The following FRYL variants were observed in gnomAD, a reference collection of about 807,000 sequenced individuals.
FRYL encodes the protein protein furry homolog-like.
In FRYL, 150 loss-of-function variants were observed where a neutral mutation model predicts 351.2. That is an observed-to-expected ratio of 0.43 (90% CI 0.37 to 0.49). FRYL has a LOEUF of 0.49. Ranked by LOEUF, FRYL falls within the 20% of genes least tolerant of loss-of-function variation. The pLI, the probability that FRYL is intolerant of heterozygous loss-of-function variation, is 0.00. For missense variants in FRYL, 3,036 were observed against 3,619.3 expected (o/e 0.84, Z 4.13); for synonymous variants, 1,153 against 1,257.1 (o/e 0.92, Z 1.75).
At chr4:48,630,559 T>C (rs1253308218) in intron 4 of FRYL, among the ~76,000 whole-genome samples, 1 of 152,150 alleles carries the variant, frequency 6.6e-6, no homozygotes, top group Non-Finnish European at 1.5e-5. Flanking sequence ...TACCGAGGAT[T>C]GATCCATCTC....
chr4:48,617,488 A>G (rs1749746743), intron 7 of FRYL: 1 of 152,080 alleles, frequency 6.6e-6, no homozygotes, highest in South Asian at 2.1e-4. Context: ...AGCTATGCCT[A>G]CAGGCACATA....
chr4:48,540,252 CTATT>C, intron 46 of FRYL, 97 bp downstream of exon 46: 1 of 1,364,912 alleles, frequency 7.3e-7, no homozygotes, highest in Admixed American at 2.7e-5. Context: ...AAAACTATGA[CTATT>C]TGCAAAAAGC....
intron 4 of FRYL, among the ~76,000 whole-genome samples, chr4:48,632,098 A>ATATATATATATATATATGTATG (rs1553957563): frequency 3.3e-4 from 7 of 21,504 alleles, no homozygotes; most frequent in Non-Finnish European, 5.4e-4. Context: ...AAAAATATAT[A>ATATATATATATATATATGTATG]TATATATATA....
chr4:48,752,835 C>T (rs1209943898), intron 1 of FRYL, among the ~76,000 whole-genome samples: 1 of 152,182 alleles, frequency 6.6e-6, no homozygotes, highest in Non-Finnish European at 1.5e-5. Context: ...CAGCCCCCAC[C>T]TTCTATTCCC....
Position 48,550,661 on chromosome 4 carries a change from T to C in FRYL, c.4564A>G (p.Asn1522Asp). The C allele has an allele frequency of 1.2e-6, 2 of 1,614,072 alleles. No homozygotes were observed. Among genetic ancestry groups the C allele is most frequent in the Non-Finnish European group, 1.7e-6 (2 of 1,179,938 alleles). The change falls in exon 38 of 64, where the codon AAT (asparagine) becomes GAT (aspartate). Residue 1522 changes from asparagine (N) to aspartate (D), a missense_variant. Physicochemically the swap from Asn to Asp is conservative, Grantham distance 23. This residue lies in a region of FRYL where 1,987 missense variants were observed against 2,311.7 expected (regional missense o/e 0.86). Transcript: ENST00000358350. Reference protein sequence around the residue: ...DIYSGLNSHLNRQHHRLESRY... With the variant: ...DIYSGLNSHLDRQHHRLESRY... Reference sequence around the variant, plus strand: ...GATTCTAGTCTGTGATGTTGCCGATTCAAATGACTGTTTAGTCCACTGTAA... The same window carrying C: ...GATTCTAGTCTGTGATGTTGCCGATCCAAATGACTGTTTAGTCCACTGTAA...
intron 3 of FRYL, among the ~76,000 whole-genome samples, chr4:48,669,228 G>A (rs1449600960): frequency 6.6e-6 from 1 of 152,086 alleles, no homozygotes; most frequent in African/African-American, 2.4e-5. Flanking sequence ...TGAGGAATAA[G>A]CAGCTGTGAT....
chr4:48,575,056 C>T, intron 25 of FRYL, 61 bp downstream of exon 25: 2 of 1,568,030 alleles, frequency 1.3e-6, no homozygotes, highest in Non-Finnish European at 1.7e-6. Flanking sequence ...GACCCTACCA[C>T]ACCTTCTAAG....
intron 63 of FRYL, 104 bp downstream of exon 63, chr4:48,499,926 A>C: frequency 1.1e-6 from 1 of 903,496 alleles, no homozygotes. Context: ...TTTTTCTTTC[A>C]CAAAGACATG....
chr4:48,507,216 T>C (rs1011824751), intron 59 of FRYL, among the ~76,000 whole-genome samples: 12 of 152,202 alleles, frequency 7.9e-5, no homozygotes, highest in African/African-American at 2.9e-4. Context: ...CTGATTTTTA[T>C]TCTGTTAAAA....
intron 3 of FRYL, chr4:48,637,485 T>C (rs187921765): frequency 2.4e-4 from 37 of 152,164 alleles, no homozygotes; most frequent in African/African-American, 5.1e-4. Context: ...TTTCTCTACA[T>C]GCTAACCCAA....
chr4:48,672,540 A>C (rs1762910269), intron 3 of FRYL, among the ~76,000 whole-genome samples: 1 of 152,230 alleles, frequency 6.6e-6, no homozygotes, highest in South Asian at 2.1e-4. Context: ...AGTAGGAAAA[A>C]GAAGTCCTGA....
intron 2 of FRYL, among the ~76,000 whole-genome samples, chr4:48,709,351 A>G (rs935334508): frequency 8.5e-5 from 13 of 152,208 alleles, no homozygotes; most frequent in Non-Finnish European, 1.5e-5. Flanking sequence ...AGAGCCACTA[A>G]TATGATATTG....
At chr4:48,524,167 G>C (rs1221428748) in intron 53 of FRYL, among the ~76,000 whole-genome samples, 1 of 150,922 alleles carries the variant, frequency 6.6e-6, no homozygotes. Context: ...GTCCAGATTA[G>C]AAGTTTTCAA....
At chr4:48,526,328 T>A (rs1337294757) in intron 53 of FRYL, among the ~76,000 whole-genome samples, 1 of 152,150 alleles carries the variant, frequency 6.6e-6, no homozygotes, top group East Asian at 1.9e-4. Flanking sequence ...ATATAAACTT[T>A]CAGGGTTAAG....
intron 3 of FRYL, among the ~76,000 whole-genome samples, chr4:48,657,349 T>G (rs995696281): frequency 8.0e-6 from 1 of 125,258 alleles, no homozygotes; most frequent in Non-Finnish European, 1.8e-5. Flanking sequence ...TTTTCTTTTC[T>G]TTTCTTTTTT....
At chr4:48,711,056 T>TAA (rs1307148604) in intron 1 of FRYL, among the ~76,000 whole-genome samples, 2 of 151,954 alleles carry the variant, frequency 1.3e-5, no homozygotes, top group Non-Finnish European at 2.9e-5. Flanking sequence ...GGATGAATCC[T>TAA]AAAAAAAACA....
chr4:48,753,461 C>A (rs1773457013), intron 1 of FRYL, among the ~76,000 whole-genome samples: 2 of 151,892 alleles, frequency 1.3e-5, no homozygotes, highest in African/African-American at 4.8e-5. Context: ...ATTCATATAC[C>A]ATAAAATTCA....
chr4:48,667,484 TC>T (rs1761932659), intron 3 of FRYL, among the ~76,000 whole-genome samples: 1 of 150,186 alleles, frequency 6.7e-6, no homozygotes, highest in South Asian at 2.2e-4. Context: ...TATCATAATC[TC>T]TTAAATTCCA....
intron 1 of FRYL, among the ~76,000 whole-genome samples, chr4:48,725,999 C>T (rs1770037135): frequency 6.6e-6 from 1 of 152,108 alleles, no homozygotes; most frequent in South Asian, 2.1e-4. Context: ...AATCACCAAT[C>T]TTATGACACG....
Sources: gnomAD v4.1 joint callset for allele counts (sites outside exome capture counted in the v4.1 genomes callset) on GRCh38, gnomAD v4.1.1 for gene constraint, gnomAD v4.1.1 regional missense constraint, MANE v1.5 for transcripts, NCBI Gene and HGNC (gene_info 2026-07-23, HGNC 2026-07-21) for gene names.